The following DCUN1D5 variants were observed in gnomAD, a reference collection of about 807,000 sequenced individuals.
DCUN1D5 encodes the protein defective in cullin neddylation 1 domain containing 5, also known as DCN1-like protein 5.
DCUN1D5 carries 10 observed loss-of-function variants against 38.3 expected under a neutral mutation model. The ratio of observed to expected loss-of-function variants is 0.26; its 90% CI spans 0.16 to 0.44. The LOEUF (loss-of-function observed/expected upper bound fraction) is 0.44, where lower values mean the gene tolerates loss of function less well. Ranked by LOEUF, DCUN1D5 falls within the 20% of genes least tolerant of loss-of-function variation. The pLI is 1.00. For synonymous variants in DCUN1D5, 93 were observed against 90.9 expected (o/e 1.02, Z -0.13); for missense variants, 148 against 275.3 (o/e 0.54, Z 3.27).
chr11:103,051,514 C>CT lies in DCUN1D5; in HGVS notation c.*10844_*10845insA, dbSNP rs398017369. 8.4e-6 allele frequency: 1 copy of CT among 118,848 alleles called. No individual in the cohort carries two copies. The highest frequency in any genetic ancestry group is 1.8e-5 in the Non-Finnish European group (1 of 55,148). The allele number at this position is 118,848 out of a possible 1,614,324, so 7.4% of individuals were successfully genotyped here. ...CACATATTTACTTCCCCCCCCCCCC[C>CT]GCCACCCCTGTGTTAACAGGTTTAC... On this transcript the variant is annotated 3_prime_UTR_variant, in exon 8 of 8. Coordinates refer to ENST00000260247, the MANE Select transcript of DCUN1D5 (RefSeq NM_032299.4).
chr11:103,069,772 G>GAAAATTCA (rs1862225959), intron 4 of DCUN1D5, among the ~76,000 whole-genome samples: 1 of 152,196 alleles, frequency 6.6e-6, no homozygotes, highest in African/African-American at 2.4e-5. Context: ...ATGCAGAGTA[G>GAAAATTCA]AAAATTCAAT....
intron 2 of DCUN1D5, 50 bp downstream of exon 2, chr11:103,089,173 CAAAT>C: frequency 6.5e-7 from 1 of 1,545,840 alleles, no homozygotes; most frequent in Non-Finnish European, 8.9e-7. Context: ...ATGAATAAGG[CAAAT>C]AAACTTTTTA....
chr11:103,057,193 T>C lies in DCUN1D5; in HGVS notation c.*5166A>G, dbSNP rs2134591165. ...AAGCCATTTTATTTGCATGACAGAA[T>C]AGTAAAGTATATAAACTAACTTCAC... On this transcript the variant is annotated 3_prime_UTR_variant, in exon 8 of 8. Transcript: ENST00000260247. The surrounding 1 kb of genome is among the most constrained non-coding windows in gnomAD (Gnocchi z 4.8). Among the ~76,000 whole-genome samples, 1 of 152,308 alleles carries C rather than the reference T, an allele frequency of 6.6e-6. No individual in the cohort carries two copies. Among genetic ancestry groups the C allele is most frequent in the Non-Finnish European group, 1.5e-5 (1 of 68,026 alleles).
rs1861717969 is a variant in DCUN1D5, at chr11:103,051,094, C to T, written c.*11265G>A. 6.6e-6 allele frequency: 1 copy of T among 152,200 alleles called. No individual in the cohort carries two copies. The highest frequency in any genetic ancestry group is 6.5e-5 in the Admixed American group (1 of 15,288). 9.4% of individuals were successfully genotyped at this position (152,200 alleles called of 1,614,324 possible). On this transcript the variant is annotated 3_prime_UTR_variant, in exon 8 of 8. Transcript: ENST00000260247. ...CCAATCTTACATCATAAAGACTAAG[C>T]TTACCATCACCAATTCATACATTGG...
At chr11:103,082,966 G>T in intron 3 of DCUN1D5, 127 bp from the exon 4 acceptor site, 3 of 699,100 alleles carry the variant, frequency 4.3e-6, no homozygotes, top group South Asian at 2.0e-5. Context: ...TACAACCTCT[G>T]GAATTATTAA....
At chr11:103,076,836 C>T (rs889745230) in intron 4 of DCUN1D5, among the ~76,000 whole-genome samples, 3 of 152,172 alleles carry the variant, frequency 2.0e-5, no homozygotes, top group Non-Finnish European at 2.9e-5. Flanking sequence ...GTAGAAACTA[C>T]GTCATACCAT....
rs1409087213 is a variant in DCUN1D5 at position 103,053,293 on chromosome 11, C to T, written c.*9066G>A. On this transcript the variant is annotated 3_prime_UTR_variant, in exon 8 of 8. Transcript: ENST00000260247. The surrounding 1 kb of genome is among the most constrained non-coding windows in gnomAD (Gnocchi z 4.8). ...TCATATTTAGCATCCATTTAATGAA[C>T]CATTTCACTATACTGCCTACAAAGA... 6.6e-6 allele frequency: 1 copy of T among 151,886 alleles called. No homozygotes were observed. The highest frequency in any genetic ancestry group is 6.6e-5 in the Admixed American group (1 of 15,222). 9.4% of individuals were successfully genotyped at this position (151,886 alleles called of 1,614,324 possible).
Position 103,078,249 on chromosome 11 carries a change from T to C in DCUN1D5, c.341+4499A>G, listed in dbSNP as rs1397828389. The stretch of plus-strand genomic sequence containing the variant: ...CTATATTCAGTTTTCTCCACTGGTA[T>C]AGTATTTCACCCTTGCTCCAACACC... On this transcript the variant is annotated intron_variant, in intron 4 of 7. Transcript: ENST00000260247. The surrounding 1 kb of genome is among the most constrained non-coding windows in gnomAD (Gnocchi z 4.6). Among the ~76,000 whole-genome samples, 1 of 152,188 alleles carries C rather than the reference T, an allele frequency of 6.6e-6. No homozygotes were observed. Among genetic ancestry groups the C allele is most frequent in the Non-Finnish European group, 1.5e-5 (1 of 68,040 alleles).
chr11:103,075,421 G>A (rs976579219), intron 4 of DCUN1D5, among the ~76,000 whole-genome samples: 5 of 151,174 alleles, frequency 3.3e-5, no homozygotes, highest in East Asian at 3.9e-4. Context: ...TCACTCTGTC[G>A]CCCAGGCTGG....
intron 4 of DCUN1D5, among the ~76,000 whole-genome samples, chr11:103,079,373 T>A (rs570493927): frequency 6.6e-6 from 1 of 152,342 alleles, no homozygotes; most frequent in South Asian, 2.1e-4. Context: ...CTCGCTGTGA[T>A]CACCAGTAAG....
At position 103,051,084 on chromosome 11, in the gene DCUN1D5, A is replaced by G. The variant is rs1444205331; in HGVS notation, c.*11275T>C. 1.3e-5 allele frequency: 2 copies of G among 152,204 alleles called. No homozygotes were observed. Among genetic ancestry groups the G allele is most frequent in the African/African-American group, 4.8e-5 (2 of 41,442 alleles). 9.4% of individuals were successfully genotyped at this position (152,204 alleles called of 1,614,324 possible). On this transcript the variant is annotated 3_prime_UTR_variant, in exon 8 of 8. Transcript: ENST00000260247. The stretch of plus-strand genomic sequence containing the variant: ...TCCAATAAATCCAATCTTACATCAT[A>G]AAGACTAAGCTTACCATCACCAATT...
In DCUN1D5 at chr11:103,055,953, A is replaced by AT. The variant is rs750892846; in HGVS notation, c.*6405dup. Among the ~76,000 whole-genome samples the AT allele has an allele frequency of 2.6e-5, 4 of 152,204 alleles. No individual in the cohort carries two copies. The highest frequency in any genetic ancestry group is 5.9e-5 in the Non-Finnish European group (4 of 68,030). On this transcript the variant is annotated 3_prime_UTR_variant, in exon 8 of 8. Coordinates refer to ENST00000260247, the MANE Select transcript of DCUN1D5 (RefSeq NM_032299.4). ...TGCTCCTCTGAGTCTTCGCCATCTTATTAATGCCCACTTCATTCTTCAAGC... is the reference window on the plus strand; with the variant it reads ...TGCTCCTCTGAGTCTTCGCCATCTTATTTAATGCCCACTTCATTCTTCAAGC...
chr11:103,064,511 G>A lies in DCUN1D5; in HGVS notation c.556-134C>T, dbSNP rs1200692617. ...ATTTACTATTTTTTTAATTATTTGT[G>A]TTTCTAAGAGATTCCTCATGGGCAT... On this transcript the variant is annotated intron_variant, in intron 6 of 7. Transcript: ENST00000260247. The surrounding 1 kb of genome is among the most constrained non-coding windows in gnomAD (Gnocchi z 4.5). 4.8e-6 allele frequency: 3 copies of A among 628,296 alleles called. No homozygotes were observed. Among genetic ancestry groups the A allele is most frequent in the Non-Finnish European group, 5.1e-6 (2 of 394,058 alleles). The allele number at this position is 628,296 out of a possible 1,614,324, so 38.9% of individuals were successfully genotyped here. A position where few individuals can be genotyped will look rare whatever the true frequency, so the allele number is the denominator to read the frequency against.
intron 4 of DCUN1D5, among the ~76,000 whole-genome samples, chr11:103,070,137 A>G (rs938288725): frequency 3.9e-5 from 6 of 152,144 alleles, no homozygotes; most frequent in Admixed American, 3.9e-4. Flanking sequence ...GTCCAAGGAC[A>G]AAGAAATATA....
chr11:103,068,263 C>T (rs1056987077), intron 4 of DCUN1D5, among the ~76,000 whole-genome samples: 4 of 152,064 alleles, frequency 2.6e-5, no homozygotes, highest in African/African-American at 9.7e-5. Context: ...ACTTTAGCTG[C>T]AACCACAAGT....
intron 4 of DCUN1D5, among the ~76,000 whole-genome samples, chr11:103,080,862 A>G (rs1224612962): frequency 6.6e-6 from 1 of 152,060 alleles, no homozygotes; most frequent in East Asian, 1.9e-4. Flanking sequence ...AATACACAAA[A>G]TTAGCCGGGC....
Position 103,064,266 on chromosome 11 carries a change from T to C in DCUN1D5, c.658+9A>G. On this transcript the variant is annotated intron_variant, in intron 7 of 7. Transcript: ENST00000260247. The surrounding 1 kb of genome is among the most constrained non-coding windows in gnomAD (Gnocchi z 4.5). Reference sequence around the variant, plus strand: ...TTGTTTTCAAAGGAACATGTTATGTTATACTTACAAGCACCATCTTCATCA... The same window carrying C: ...TTGTTTTCAAAGGAACATGTTATGTCATACTTACAAGCACCATCTTCATCA... 1 of 1,602,502 alleles carries C rather than the reference T, an allele frequency of 6.2e-7. No individual in the cohort carries two copies. The highest frequency in any genetic ancestry group is 1.1e-5 in the South Asian group (1 of 89,414).
Position 103,091,997 on chromosome 11 carries a change from C to G in DCUN1D5, c.-125G>C. ...GCAAGCGGAGGAGCAGAGTCGCCAG[C>G]CCGCACCGGCGCGGCCCAGCCCGGC... On this transcript the variant is annotated 5_prime_UTR_variant, in exon 1 of 8. Coordinates refer to ENST00000260247, the MANE Select transcript of DCUN1D5 (RefSeq NM_032299.4). The surrounding 1 kb of genome is among the most constrained non-coding windows in gnomAD (Gnocchi z 4.3). 1 of 880,300 alleles carries G rather than the reference C, an allele frequency of 1.1e-6. No homozygotes were observed. Among genetic ancestry groups the G allele is most frequent in the Non-Finnish European group, 1.7e-6 (1 of 594,272 alleles). The allele number at this position is 880,300 out of a possible 1,614,324, so 54.5% of individuals were successfully genotyped here. A position where few individuals can be genotyped will look rare whatever the true frequency, so the allele number is the denominator to read the frequency against.
chr11:103,062,485 A>G lies in DCUN1D5; in HGVS notation c.659-71T>C, dbSNP rs913161936. On this transcript the variant is annotated intron_variant, in intron 7 of 7. Coordinates refer to ENST00000260247, the MANE Select transcript of DCUN1D5 (RefSeq NM_032299.4). The surrounding 1 kb of genome is among the most constrained non-coding windows in gnomAD (Gnocchi z 4.6). Reference sequence around the variant, plus strand: ...TCTCCAATTATAAAACAAACTCCCCACGAGCTCTGCAATGACAGAGGAATG... The same window carrying G: ...TCTCCAATTATAAAACAAACTCCCCGCGAGCTCTGCAATGACAGAGGAATG... 2.2e-6 allele frequency: 3 copies of G among 1,336,164 alleles called. No homozygotes were observed. The highest frequency in any genetic ancestry group is 2.9e-5 in the African/African-American group (2 of 68,412). 82.8% of individuals were successfully genotyped at this position (1,336,164 alleles called of 1,614,324 possible). A position where few individuals can be genotyped will look rare whatever the true frequency, so the allele number is the denominator to read the frequency against.
Sources: gnomAD v4.1 joint callset for allele counts (sites outside exome capture counted in the v4.1 genomes callset) on GRCh38, gnomAD v4.1.1 for gene constraint, Gnocchi (gnomAD v3.1) non-coding constraint, MANE v1.5 for transcripts, NCBI Gene and HGNC (gene_info 2026-07-23, HGNC 2026-07-21) for gene names.